MYO7B: variants seen among roughly 807,000 people sequenced by gnomAD.
MYO7B encodes unconventional myosin-VIIb.
In MYO7B, 212 loss-of-function variants were observed where a neutral mutation model predicts 259.7. The ratio of observed to expected loss-of-function variants is 0.82; its 90% confidence interval spans 0.73 to 0.91. The LOEUF (loss-of-function observed/expected upper bound fraction) is 0.91. Among genes scored for constraint, MYO7B ranks in the 40% least tolerant of loss-of-function variants. The probability of loss-of-function intolerance (pLI) is 0.00; values close to 1 mark genes in which losing one functional copy is unlikely to be tolerated. For synonymous variants in MYO7B, 1,197 were observed against 1,166.4 expected (o/e 1.03, Z -0.54); for missense variants, 2,732 against 2,813.5 (o/e 0.97, Z 0.66).
chr2:127,593,561 C>T lies in MYO7B; in HGVS notation c.2161C>T (p.Arg721Cys), dbSNP rs375115392. The T allele has an allele frequency of 1.2e-4, 187 of 1,613,170 alleles. No individual in the cohort carries two copies. The highest frequency in any genetic ancestry group is 1.6e-4 in the Non-Finnish European group (184 of 1,179,624). ...GTCTTGGCAGCTGCAAGGCAAGCTCCGCCAGATGACCCTGGGCATCACTGA... is the reference window on the plus strand; with the variant it reads ...GTCTTGGCAGCTGCAAGGCAAGCTCTGCCAGATGACCCTGGGCATCACTGA... ...AMRMQLQGKLRQMTLGITDVW... is the reference protein window; with the variant it reads ...AMRMQLQGKLCQMTLGITDVW... Residue 721 changes from arginine to cysteine, a missense_variant, in exon 18 of 48, where the codon CGC (arginine) becomes TGC (cysteine). Around this residue, in one of 3 missense-constraint regions of MYO7B, gnomAD observed 1,906 missense variants for 2,026.4 expected, o/e 0.94. Coordinates refer to ENST00000409816, the MANE Select transcript of MYO7B (RefSeq NM_001393586.1).
At chr2:127,553,227 G>A (rs1054250175) in intron 1 of MYO7B, among the ~76,000 whole-genome samples, 1 of 152,192 alleles carries the variant, frequency 6.6e-6, no homozygotes, top group Non-Finnish European at 1.5e-5. Context: ...GTTTAGTCTT[G>A]CTTTGGCTAT....
chr2:127,568,985 A>G (rs551498027), intron 5 of MYO7B, among the ~76,000 whole-genome samples: 3 of 152,264 alleles, frequency 2.0e-5, no homozygotes, highest in African/African-American at 7.2e-5. Flanking sequence ...AGGCGGGCAG[A>G]TCATCTGAGG....
chr2:127,540,642 T>C (rs1048040663), intron 1 of MYO7B, among the ~76,000 whole-genome samples: 1 of 152,190 alleles, frequency 6.6e-6, no homozygotes, highest in Non-Finnish European at 1.5e-5. Context: ...GGGCATCCAA[T>C]GGGCTTTTGC....
chr2:127,631,287 G>T lies in MYO7B; in HGVS notation c.5019G>T (p.Glu1673Asp), dbSNP rs13025959. The T allele has an allele frequency of 6.2e-7, 1 of 1,611,862 alleles. No homozygotes were observed. Among genetic ancestry groups the T allele is most frequent in the South Asian group, 1.1e-5 (1 of 91,018 alleles). Reference protein sequence around the residue: ...ARGHLWAYSCEPLRQPLLKRV... With the variant: ...ARGHLWAYSCDPLRQPLLKRV... ...GCCACCTGTGGGCCTATTCCTGCGA[G>T]CCGCTGCGACAGCCGCTGCTCAAGC... is the stretch of plus-strand genomic sequence containing the variant. The change falls in exon 37 of 48, where the codon GAG becomes GAT. Residue 1673 changes from glutamate (E) to aspartate (D), a missense_variant. Glu to Asp is a conservative substitution (Grantham distance 45). Around this residue, in one of 3 missense-constraint regions of MYO7B, gnomAD observed 821 missense variants for 769.3 expected, o/e 1.07. Transcript: ENST00000409816.
intron 2 of MYO7B, 99 bp from the exon 3 acceptor site, chr2:127,564,054 C>A (rs1678217702): frequency 2.5e-6 from 2 of 807,506 alleles, no homozygotes; most frequent in African/African-American, 1.7e-5. Context: ...ACCTTGGGAG[C>A]TCTGGGCTGG....
At position 127,632,242 on chromosome 2, in the gene MYO7B, T is replaced by C. The variant is rs755287562; in HGVS notation, c.5250-4T>C. 3.7e-6 allele frequency: 6 copies of C among 1,611,284 alleles called. No homozygotes were observed. Among genetic ancestry groups the C allele is most frequent in the Non-Finnish European group, 4.2e-6 (5 of 1,179,342 alleles). On this transcript the variant is annotated splice_polypyrimidine_tract_variant and splice_region_variant and intron_variant, in intron 38 of 47. Coordinates refer to ENST00000409816, the MANE Select transcript of MYO7B (RefSeq NM_001393586.1). Reference sequence around the variant, plus strand: ...TTTCCCGGCTGACAAGTGCTACCCTTCAGGCACAGCGAAGAGCGGGGCTGG... The same window carrying C: ...TTTCCCGGCTGACAAGTGCTACCCTCCAGGCACAGCGAAGAGCGGGGCTGG...
Position 127,629,809 on chromosome 2 carries a change from C to T in MYO7B, c.4789C>T (p.Pro1597Ser), listed in dbSNP as rs748942808. The stretch of plus-strand genomic sequence containing the variant: ...CTACACCATCCCCACGGTCACTAAG[C>T]CCTCGGCACAGCTGCTGGTAACTGG... ...CLYTIPTVTK[P>S]SAQLLSLLAM... Residue 1597 changes from proline (P) to serine (S), a missense_variant, in exon 35 of 48, where the codon CCC becomes TCC. By Grantham distance (74) the Pro-to-Ser change is moderately conservative. Coordinates refer to ENST00000409816, the MANE Select transcript of MYO7B (RefSeq NM_001393586.1). 7.0e-6 allele frequency: 11 copies of T among 1,569,742 alleles called. No homozygotes were observed. The highest frequency in any genetic ancestry group is 8.6e-7 in the Non-Finnish European group (1 of 1,156,692).
At chr2:127,603,886 C>T (rs1328744511) in intron 19 of MYO7B, among the ~76,000 whole-genome samples, 2 of 152,188 alleles carry the variant, frequency 1.3e-5, no homozygotes, top group African/African-American at 4.8e-5. Flanking sequence ...GTAATCCCAG[C>T]ACTTTGGGAG....
rs113892661 is a variant in MYO7B, at chr2:127,623,969, C to T, written c.3820-124C>T. 1.9e-3 allele frequency: 1,587 copies of T among 851,058 alleles called. 19 individuals carry two copies. The African/African-American group carries it at 0.022, about 12-fold the overall frequency. The allele number at this position is 851,058 out of a possible 1,614,324, so 52.7% of individuals were successfully genotyped here. On this transcript the variant is annotated intron_variant, in intron 29 of 47. Coordinates refer to ENST00000409816, the MANE Select transcript of MYO7B (RefSeq NM_001393586.1). ...CCACACGGGCTCAGCAGTGTCCACT[C>T]AGCCCACGCTGGGCTCCAAGGGCCC...
Position 127,628,256 on chromosome 2 carries a change from A to T in MYO7B, c.4461-116A>T. 1 of 1,270,180 alleles carries T rather than the reference A, an allele frequency of 7.9e-7. No individual in the cohort carries two copies. Among genetic ancestry groups the T allele is most frequent in the Non-Finnish European group, 1.1e-6 (1 of 904,942 alleles). 78.7% of individuals were successfully genotyped at this position (1,270,180 alleles called of 1,614,324 possible). ...GGCCTAGTCCTGGCCCTGGCAGAGC[A>T]GCTCTGTGTCCTCATCTGTGACTCA... is the stretch of plus-strand genomic sequence containing the variant. On this transcript the variant is annotated intron_variant, in intron 33 of 47. Coordinates refer to ENST00000409816, the MANE Select transcript of MYO7B (RefSeq NM_001393586.1). This position sits in a 1 kb window ranked among gnomAD's most constrained non-coding sequence, Gnocchi z 4.8.
Position 127,592,936 on chromosome 2 carries a change from T to G in MYO7B, c.2135T>G (p.Met712Arg), listed in dbSNP as rs368348327. The change falls in exon 17 of 48, where the codon ATG (methionine) becomes AGG (arginine). Residue 712 changes from methionine (M) to arginine (R), a missense_variant. Around this residue, in one of 3 missense-constraint regions of MYO7B, gnomAD observed 1,906 missense variants for 2,026.4 expected, o/e 0.94. Transcript: ENST00000409816. ...TTCGGCGTGTTGCTGCCCAACGCCA[T>G]GCGGATGCAGGTCAGCGCCCCTCGG... ...QRFGVLLPNA[M>R]RMQLQGKLRQ... 6.3e-7 allele frequency: 1 copy of G among 1,594,016 alleles called. No individual in the cohort carries two copies. The highest frequency in any genetic ancestry group is 8.5e-7 in the Non-Finnish European group (1 of 1,171,262).
At chr2:127,575,478 C>T (rs1049406060) in intron 7 of MYO7B, among the ~76,000 whole-genome samples, 2 of 151,240 alleles carry the variant, frequency 1.3e-5, no homozygotes, top group Middle Eastern at 3.4e-3. Flanking sequence ...ACAGAGGAGG[C>T]GGTCTGTCCA....
At chr2:127,637,163 A>G in intron 47 of MYO7B, 153 bp from the exon 48 acceptor site, 2 of 889,108 alleles carry the variant, frequency 2.2e-6, no homozygotes, top group Non-Finnish European at 3.6e-6. Context: ...CAGCAGGGCA[A>G]GCAGAAATGA....
intron 26 of MYO7B, among the ~76,000 whole-genome samples, chr2:127,619,399 C>T (rs1429011546): frequency 1.4e-5 from 1 of 73,106 alleles, no homozygotes; most frequent in Non-Finnish European, 2.9e-5. Flanking sequence ...GTGGTGGGGG[C>T]TGGATGGATG....
intron 21 of MYO7B, among the ~76,000 whole-genome samples, chr2:127,608,239 G>C (rs910338955): frequency 1.3e-5 from 2 of 152,226 alleles, no homozygotes; most frequent in African/African-American, 2.4e-5. Context: ...TGCACCCATA[G>C]ACACGTCAGC....
intron 28 of MYO7B, 42 bp from the exon 29 acceptor site, chr2:127,623,160 A>C: frequency 6.2e-7 from 1 of 1,607,410 alleles, no homozygotes; most frequent in Non-Finnish European, 8.5e-7. Flanking sequence ...TCCTGTCCAT[A>C]GGTTCCAAGA....
Position 127,611,542 on chromosome 2 carries a change from C to T in MYO7B, c.3193-708C>T, listed in dbSNP as rs140242876. Among the ~76,000 whole-genome samples the T allele has an allele frequency of 5.0e-4, 76 of 152,316 alleles. No homozygotes were observed. In the East Asian group the frequency reaches 0.013, roughly 26 times the overall value. ...AGCCCAGCAAGCCTCACTGCCCTCACGGACTTTGCCAGCTCATGTGTTTCA... is the reference window on the plus strand; with the variant it reads ...AGCCCAGCAAGCCTCACTGCCCTCATGGACTTTGCCAGCTCATGTGTTTCA... On this transcript the variant is annotated intron_variant, in intron 24 of 47. Transcript: ENST00000409816. This position sits in a 1 kb window ranked among gnomAD's most constrained non-coding sequence, Gnocchi z 5.4.
rs978013901 is a variant in MYO7B at position 127,615,339 on chromosome 2, G to C, written c.3398+2736G>C. Among the ~76,000 whole-genome samples, 1 of 152,088 alleles carries C rather than the reference G, an allele frequency of 6.6e-6. No individual in the cohort carries two copies. The highest frequency in any genetic ancestry group is 2.4e-5 in the African/African-American group (1 of 41,444). ...ACTACTGTCACTACTTGAGACCATCGTTATGAGACAGAACAAAGGGGGATG... is the reference window on the plus strand; with the variant it reads ...ACTACTGTCACTACTTGAGACCATCCTTATGAGACAGAACAAAGGGGGATG... On this transcript the variant is annotated intron_variant, in intron 26 of 47. Transcript: ENST00000409816. The surrounding 1 kb of genome is among the most constrained non-coding windows in gnomAD (Gnocchi z 4.4).
At chr2:127,622,123 A>C (rs1163560719) in intron 28 of MYO7B, 22 bp downstream of exon 28, 5 of 1,544,308 alleles carry the variant, frequency 3.2e-6, no homozygotes, top group Non-Finnish European at 4.4e-6. Flanking sequence ...CAGGGGTGAG[A>C]GCGGGCAGGG....
Sources: gnomAD v4.1 joint callset for allele counts (sites outside exome capture counted in the v4.1 genomes callset) on GRCh38, gnomAD v4.1.1 for gene constraint, gnomAD v4.1.1 regional missense constraint, Gnocchi (gnomAD v3.1) non-coding constraint, MANE v1.5 for transcripts, NCBI Gene and HGNC (gene_info 2026-07-23, HGNC 2026-07-21) for gene names.